The following TAF2 variants were observed in gnomAD, a reference collection of about 807,000 sequenced individuals.
TAF2 encodes the protein transcription initiation factor TFIID subunit 2.
In TAF2, 61 loss-of-function variants were observed where a neutral mutation model predicts 138.5. The ratio of observed to expected loss-of-function variants is 0.44; its 90% CI spans 0.36 to 0.54. TAF2 has a LOEUF of 0.54. Ranked by LOEUF, TAF2 falls within the 20% of genes least tolerant of loss-of-function variation. TAF2 has a pLI of 0.00. For synonymous variants in TAF2, 475 were observed against 469.9 expected (o/e 1.01, Z -0.14); for missense variants, 1,090 against 1,427.9 (o/e 0.76, Z 3.81).
chr8:119,749,876 C>T (rs1298264778), intron 22 of TAF2, among the ~76,000 whole-genome samples: 1 of 152,152 alleles, frequency 6.6e-6, no homozygotes, highest in African/African-American at 2.4e-5. Flanking sequence ...TCTCTCCTCC[C>T]AGGAAAATTG....
chr8:119,797,149 T>C, intron 7 of TAF2, 46 bp from the exon 8 acceptor site: 3 of 1,283,938 alleles, frequency 2.3e-6, no homozygotes, highest in Non-Finnish European at 1.1e-6. Flanking sequence ...AAGAAATAAA[T>C]ACTTATTCAG....
At chr8:119,780,771 T>C (rs1014930032) in intron 17 of TAF2, among the ~76,000 whole-genome samples, 4 of 151,790 alleles carry the variant, frequency 2.6e-5, no homozygotes, top group Non-Finnish European at 2.9e-5. Context: ...CCATCTCTAC[T>C]AAAAATACAA....
Position 119,791,323 on chromosome 8 carries a change from C to G in TAF2, c.1413+1G>C. On this transcript the variant is annotated splice_donor_variant, in intron 11 of 25. Transcript: ENST00000378164. LOFTEE classifies it high-confidence loss of function. ...GTTAAGTTCTTAACTTTAATACTTA[C>G]TTGTAGCATAAATTCCATACTGATC... The G allele has an allele frequency of 6.2e-7, 1 of 1,613,250 alleles. No homozygotes were observed. The highest frequency in any genetic ancestry group is 8.5e-7 in the Non-Finnish European group (1 of 1,179,598).
chr8:119,807,899 G>A (rs1380357826), intron 3 of TAF2, among the ~76,000 whole-genome samples: 1 of 151,990 alleles, frequency 6.6e-6, no homozygotes, highest in Non-Finnish European at 1.5e-5. Flanking sequence ...TCCAACCTGG[G>A]CAACAGAGTG....
chr8:119,805,968 G>T (rs753403801), intron 4 of TAF2, among the ~76,000 whole-genome samples: 2 of 151,090 alleles, frequency 1.3e-5, no homozygotes, highest in African/African-American at 2.4e-5. Flanking sequence ...GCAGGGGTGC[G>T]ATCTCAGCTC....
At chr8:119,762,890 G>A in intron 18 of TAF2, 3 of 228,746 alleles carry the variant, frequency 1.3e-5, no homozygotes, top group Non-Finnish European at 2.6e-5. Flanking sequence ...GTTCTAGCCA[G>A]AGAAACAGAA....
intron 2 of TAF2, among the ~76,000 whole-genome samples, chr8:119,820,918 T>C (rs1825769217): frequency 6.6e-6 from 1 of 152,220 alleles, no homozygotes; most frequent in African/African-American, 2.4e-5. Context: ...AAGACCAGAA[T>C]TCCTTTTAAT....
chr8:119,797,098 T>C lies in TAF2; in HGVS notation c.983A>G (p.Asn328Ser). 6.2e-7 allele frequency: 1 copy of C among 1,608,308 alleles called. No individual in the cohort carries two copies. Among genetic ancestry groups the C allele is most frequent in the South Asian group, 1.1e-5 (1 of 90,942 alleles). ...AYASMSIFST[N>S]LLHSAMIIDE... ...TATAATCATGGCACTGTGTAAAAGATTTGTGCTGGAATTTAAAAGAGAAGA... is the reference window on the plus strand; with the variant it reads ...TATAATCATGGCACTGTGTAAAAGACTTGTGCTGGAATTTAAAAGAGAAGA... Residue 328 changes from asparagine (N) to serine (S), a missense_variant, in exon 8 of 26, where the codon AAT becomes AGT. Transcript: ENST00000378164.
chr8:119,736,216 C>T (rs892176352), intron 25 of TAF2, among the ~76,000 whole-genome samples: 24 of 152,160 alleles, frequency 1.6e-4, no homozygotes, highest in African/African-American at 5.3e-4. Flanking sequence ...TAGACAGTAG[C>T]CTTACACTTT....
chr8:119,799,482 ACTC>A (rs1824085826), intron 6 of TAF2, among the ~76,000 whole-genome samples: 1 of 152,066 alleles, frequency 6.6e-6, no homozygotes. Flanking sequence ...AAGGACATGA[ACTC>A]ATCCTTTTTT....
chr8:119,770,754 A>G (rs1225355264), intron 18 of TAF2, among the ~76,000 whole-genome samples: 2 of 152,226 alleles, frequency 1.3e-5, no homozygotes, highest in Admixed American at 1.3e-4. Flanking sequence ...AACCTTGAAC[A>G]GAAATGGCAT....
At chr8:119,735,477 T>C (rs1034577976) in intron 25 of TAF2, among the ~76,000 whole-genome samples, 1 of 152,228 alleles carries the variant, frequency 6.6e-6, no homozygotes, top group African/African-American at 2.4e-5. Flanking sequence ...ATTTGACTCC[T>C]GTACTTCCTC....
At chr8:119,746,417 T>C (rs1389927410) in intron 23 of TAF2, among the ~76,000 whole-genome samples, 2 of 151,452 alleles carry the variant, frequency 1.3e-5, no homozygotes, top group Admixed American at 1.3e-4. Context: ...TTTCTATCTT[T>C]TGCTACTCAG....
chr8:119,781,288 G>A (rs1341186661), intron 16 of TAF2, 95 bp from the exon 17 acceptor site: 5 of 1,400,896 alleles, frequency 3.6e-6, no homozygotes, highest in Middle Eastern at 2.3e-4. Flanking sequence ...ACTACAACTG[G>A]ATTGGGTTTT....
intron 22 of TAF2, among the ~76,000 whole-genome samples, chr8:119,751,640 T>C (rs1196122613): frequency 6.6e-6 from 1 of 152,160 alleles, no homozygotes; most frequent in East Asian, 1.9e-4. Context: ...CCATTATACT[T>C]AGTTAATACA....
chr8:119,782,874 G>T (rs2131140230), intron 16 of TAF2, among the ~76,000 whole-genome samples: 1 of 152,264 alleles, frequency 6.6e-6, no homozygotes. Flanking sequence ...GGAGCATGGT[G>T]GCACGTGCCT....
chr8:119,782,240 C>T (rs113104917), intron 16 of TAF2, among the ~76,000 whole-genome samples: 2,071 of 152,184 alleles, frequency 0.014, 24 homozygotes, highest in Middle Eastern at 0.031. Context: ...AGGCTGTAAG[C>T]ATGCTTTACA....
At chr8:119,771,698 A>G (rs1821851140) in intron 18 of TAF2, among the ~76,000 whole-genome samples, 1 of 152,186 alleles carries the variant, frequency 6.6e-6, no homozygotes, top group African/African-American at 2.4e-5. Context: ...TCATAAAACA[A>G]CACCTACACC....
chr8:119,832,191 A>G (rs547570285), intron 1 of TAF2, among the ~76,000 whole-genome samples: 1 of 152,010 alleles, frequency 6.6e-6, no homozygotes, highest in East Asian at 1.9e-4. Flanking sequence ...AAAACACTCT[A>G]CCAATTGGGA....
Sources: allele counts gnomAD v4.1 joint callset (sites outside exome capture counted in the v4.1 genomes callset), GRCh38; gene constraint gnomAD v4.1.1; transcripts MANE v1.5; gene names NCBI Gene and HGNC (gene_info 2026-07-23, HGNC 2026-07-21).